Variants in TMEM132D observed in about 807,000 individuals in gnomAD.
TMEM132D encodes the protein transmembrane protein 132D, also known as mature OL transmembrane protein.
TMEM132D carries 21 observed loss-of-function variants against 62.3 expected under a neutral mutation model. The ratio of observed to expected loss-of-function variants is 0.34; its 90% CI spans 0.24 to 0.49. The LOEUF is 0.49. Among genes scored for constraint, TMEM132D ranks in the 20% least tolerant of loss-of-function variants. The pLI is 0.99. For missense variants in TMEM132D, 1,346 were observed against 1,402.8 expected (o/e 0.96, Z 0.65); for synonymous variants, 621 against 575.6 (o/e 1.08, Z -1.13).
At position 129,234,253 on chromosome 12, in the gene TMEM132D, G is replaced by A. The variant is rs139926520; in HGVS notation, c.1300-24590C>T. The stretch of plus-strand genomic sequence containing the variant: ...AGAGAACAGGCATGGAGAATGCACT[G>A]CTGGTCATTTGCAAACCGAGGGGTG... On this transcript the variant is annotated intron_variant, in intron 4 of 8. Coordinates refer to ENST00000422113, the MANE Select transcript of TMEM132D (RefSeq NM_133448.3). Among the ~76,000 whole-genome samples, 238 of 152,324 alleles carry A rather than the reference G, an allele frequency of 1.6e-3. 3 individuals are homozygous for A. The highest frequency in any genetic ancestry group is 5.6e-3 in the African/African-American group (232 of 41,566).
At chr12:129,539,392 TG>T (rs1876519942) in intron 2 of TMEM132D, among the ~76,000 whole-genome samples, 1 of 146,194 alleles carries the variant, frequency 6.8e-6, no homozygotes, top group Non-Finnish European at 1.5e-5. Context: ...CCACCACATT[TG>T]GCTAATTTTT....
intron 4 of TMEM132D, among the ~76,000 whole-genome samples, chr12:129,211,275 T>C (rs928583031): frequency 2.0e-5 from 3 of 152,234 alleles, no homozygotes; most frequent in Non-Finnish European, 4.4e-5. Context: ...TGTCTTTTCC[T>C]TGACACAATA....
intron 3 of TMEM132D, among the ~76,000 whole-genome samples, chr12:129,343,798 A>G (rs950678498): frequency 6.6e-6 from 1 of 151,312 alleles, no homozygotes; most frequent in Non-Finnish European, 1.5e-5. Context: ...TGAGCCGGGC[A>G]TGGTGGCGTA....
rs533735967 is a variant in TMEM132D at position 129,282,816 on chromosome 12, G to T, written c.1299+54818C>A. Among the ~76,000 whole-genome samples the T allele has an allele frequency of 2.1e-3, 326 of 152,318 alleles. 1 individual carries two copies. Among genetic ancestry groups the T allele is most frequent in the African/African-American group, 7.4e-3 (309 of 41,570 alleles). On this transcript the variant is annotated intron_variant, in intron 4 of 8. Coordinates refer to ENST00000422113, the MANE Select transcript of TMEM132D (RefSeq NM_133448.3). ...AATCTATTGGAGGACATAGCCAAAA[G>T]CACAGGCAATGGAAAAGAAAGAATC...
rs117728854 is a variant in TMEM132D at position 129,643,761 on chromosome 12, T to G, written c.968+56049A>C. Among the ~76,000 whole-genome samples, 1,562 of 152,208 alleles carry G rather than the reference T, an allele frequency of 0.01. 59 individuals carry two copies. In the South Asian group the frequency reaches 0.13, roughly 13 times the overall value. On this transcript the variant is annotated intron_variant, in intron 2 of 8. Coordinates refer to ENST00000422113, the MANE Select transcript of TMEM132D (RefSeq NM_133448.3). ...AAAGAATGCAACCATCTGTCTGTTA[T>G]CTACCTATGACCTGGAAGGCCCCTC...
chr12:129,448,136 A>T (rs1233454861), intron 3 of TMEM132D, among the ~76,000 whole-genome samples: 2 of 152,138 alleles, frequency 1.3e-5, no homozygotes, highest in African/African-American at 4.8e-5. Context: ...CTCACTCATT[A>T]ATCTTTTTAT....
chr12:129,584,221 C>G (rs911436811), intron 2 of TMEM132D, among the ~76,000 whole-genome samples: 1 of 152,072 alleles, frequency 6.6e-6, no homozygotes. Context: ...ATCTTTCTTC[C>G]TCTTCCACCC....
chr12:129,167,938 G>A (rs1877612400), intron 5 of TMEM132D, among the ~76,000 whole-genome samples: 2 of 151,950 alleles, frequency 1.3e-5, no homozygotes, highest in African/African-American at 4.8e-5. Flanking sequence ...TTTATGAATG[G>A]TTGGAGGGAA....
At chr12:129,449,593 A>T (rs1873207126) in intron 3 of TMEM132D, among the ~76,000 whole-genome samples, 2 of 152,196 alleles carry the variant, frequency 1.3e-5, no homozygotes, top group South Asian at 4.1e-4. Context: ...ACTTGTCCAA[A>T]TTCAACTTCA....
chr12:129,174,072 T>C (rs1216105462), intron 5 of TMEM132D, among the ~76,000 whole-genome samples: 1 of 152,188 alleles, frequency 6.6e-6, no homozygotes, highest in African/African-American at 2.4e-5. Context: ...ACATAATAAT[T>C]AGGGCATCTG....
rs540071087 is a variant in TMEM132D, at chr12:129,713,835, G to T, written c.80-13137C>A. Among the ~76,000 whole-genome samples the T allele has an allele frequency of 2.0e-5, 3 of 152,316 alleles. No homozygotes were observed. In the South Asian group the frequency reaches 6.2e-4, roughly 32 times the overall value. Reference sequence around the variant, plus strand: ...CCCAGAGCTTCTGTTCAGCAGGTTTGGGTGGAACTCAAGAATTTGCATTCT... The same window carrying T: ...CCCAGAGCTTCTGTTCAGCAGGTTTTGGTGGAACTCAAGAATTTGCATTCT... On this transcript the variant is annotated intron_variant, in intron 1 of 8. Transcript: ENST00000422113.
chr12:129,616,377 G>T (rs1161763050), intron 2 of TMEM132D, among the ~76,000 whole-genome samples: 1 of 152,108 alleles, frequency 6.6e-6, no homozygotes, highest in East Asian at 1.9e-4. Context: ...GGGGTCTTTG[G>T]CCTTCTTTTT....
chr12:129,809,682 T>C (rs532939011), intron 1 of TMEM132D, among the ~76,000 whole-genome samples: 1 of 152,334 alleles, frequency 6.6e-6, no homozygotes, highest in East Asian at 1.9e-4. Context: ...GATGTACATG[T>C]TTGTTTTTTT....
chr12:129,572,929 C>T (rs577990415), intron 2 of TMEM132D, among the ~76,000 whole-genome samples: 26 of 152,224 alleles, frequency 1.7e-4, no homozygotes, highest in African/African-American at 5.1e-4. Flanking sequence ...TCTTAGAATG[C>T]GACTTCTATA....
At chr12:129,596,084 A>C (rs1349822917) in intron 2 of TMEM132D, among the ~76,000 whole-genome samples, 2 of 152,234 alleles carry the variant, frequency 1.3e-5, no homozygotes, top group Non-Finnish European at 2.9e-5. Flanking sequence ...ATGTGTGATA[A>C]TGTGATAGAG....
chr12:129,356,854 G>A, intron 3 of TMEM132D, among the ~76,000 whole-genome samples: 1 of 143,536 alleles, frequency 7.0e-6, no homozygotes, highest in Non-Finnish European at 1.5e-5. Flanking sequence ...GAAAGAGTGA[G>A]ACAAAGAAAG....
At chr12:129,833,583 C>T (rs992075640) in intron 1 of TMEM132D, among the ~76,000 whole-genome samples, 1 of 152,142 alleles carries the variant, frequency 6.6e-6, no homozygotes, top group African/African-American at 2.4e-5. Context: ...TGTGATCACG[C>T]CACTGTTCTC....
chr12:129,166,881 T>G (rs933131417), intron 5 of TMEM132D, among the ~76,000 whole-genome samples: 1 of 151,966 alleles, frequency 6.6e-6, no homozygotes, highest in African/African-American at 2.4e-5. Flanking sequence ...ACCACACCAG[T>G]TGCTGGGCGC....
At chr12:129,384,235 T>C (rs895358843) in intron 3 of TMEM132D, among the ~76,000 whole-genome samples, 2 of 152,214 alleles carry the variant, frequency 1.3e-5, no homozygotes, top group Admixed American at 6.5e-5. Context: ...AAAGAGCTTA[T>C]TGAAACTTTA....
Sources: allele counts gnomAD v4.1 joint callset (sites outside exome capture counted in the v4.1 genomes callset), GRCh38; gene constraint gnomAD v4.1.1; transcripts MANE v1.5; gene names NCBI Gene and HGNC (gene_info 2026-07-23, HGNC 2026-07-21).